CAMKMT: variants seen among roughly 807,000 people sequenced by gnomAD.
CAMKMT encodes the protein calmodulin-lysine N-methyltransferase, also known as CaM KMT.
CAMKMT carries 53 observed loss-of-function variants against 48.0 expected under a neutral mutation model. That is an observed-to-expected ratio of 1.10 (90% CI 0.89 to 1.39). The LOEUF is 1.39. CAMKMT is among the 40% of genes most tolerant of loss of function. The pLI, the probability that CAMKMT is intolerant of heterozygous loss-of-function variation, is 0.00. For synonymous variants in CAMKMT, 165 were observed against 152.3 expected (o/e 1.08, Z -0.61); for missense variants, 428 against 402.7 (o/e 1.06, Z -0.54).
intron 7 of CAMKMT, among the ~76,000 whole-genome samples, chr2:44,737,341 G>A (rs1459907084): frequency 6.6e-6 from 1 of 151,930 alleles, no homozygotes; most frequent in Non-Finnish European, 1.5e-5. Context: ...GTTTTTGAAC[G>A]CCTGACCTCA....
chr2:44,736,474 ATTATT>A (rs1347064727), intron 7 of CAMKMT, among the ~76,000 whole-genome samples: 1 of 151,928 alleles, frequency 6.6e-6, no homozygotes, highest in African/African-American at 2.4e-5. Flanking sequence ...AGGCAATTCG[ATTATT>A]ATTATGTGCC....
intron 3 of CAMKMT, among the ~76,000 whole-genome samples, chr2:44,611,047 TAGTCTC>T (rs754784076): frequency 4.6e-5 from 7 of 152,136 alleles, no homozygotes; most frequent in Non-Finnish European, 1.0e-4. Context: ...GGGAGGATAA[TAGTCTC>T]AAGATAGTAT....
At chr2:44,719,884 A>G (rs772200057) in intron 7 of CAMKMT, among the ~76,000 whole-genome samples, 1 of 152,140 alleles carries the variant, frequency 6.6e-6, no homozygotes, top group Non-Finnish European at 1.5e-5. Context: ...TCTTTAAGAA[A>G]TTTTCTGATA....
At chr2:44,614,123 G>A (rs7590333) in intron 3 of CAMKMT, among the ~76,000 whole-genome samples, 91,551 of 151,968 alleles carry the variant, frequency 0.6, 28,352 homozygotes, top group Admixed American at 0.69. Flanking sequence ...TTAGAAAAAA[G>A]ATCACACATA....
At chr2:44,632,973 T>A (rs892029407) in intron 3 of CAMKMT, among the ~76,000 whole-genome samples, 1 of 152,024 alleles carries the variant, frequency 6.6e-6, no homozygotes. Flanking sequence ...CTTAATAAAC[T>A]CCCCTTTCTA....
At chr2:44,529,278 A>C (rs1329310970) in intron 3 of CAMKMT, among the ~76,000 whole-genome samples, 1 of 152,192 alleles carries the variant, frequency 6.6e-6, no homozygotes, top group East Asian at 1.9e-4. Flanking sequence ...TATTCTACTG[A>C]TACTCAAACT....
At chr2:44,580,555 T>C (rs1669498366) in intron 3 of CAMKMT, among the ~76,000 whole-genome samples, 1 of 152,216 alleles carries the variant, frequency 6.6e-6, no homozygotes, top group Non-Finnish European at 1.5e-5. Context: ...TTTCACTAAA[T>C]TGTCACTTAT....
At chr2:44,751,031 G>C (rs1050186201) in intron 8 of CAMKMT, among the ~76,000 whole-genome samples, 2 of 151,972 alleles carry the variant, frequency 1.3e-5, no homozygotes, top group African/African-American at 4.8e-5. Flanking sequence ...AAGAAATGCA[G>C]ATGCTCTCTG....
chr2:44,377,226 C>G (rs1430447284), intron 2 of CAMKMT, among the ~76,000 whole-genome samples: 1 of 152,082 alleles, frequency 6.6e-6, no homozygotes. Context: ...AGGCTGGTCT[C>G]AAACTGCTGG....
intron 3 of CAMKMT, among the ~76,000 whole-genome samples, chr2:44,691,868 TCCACCTGC>T (rs1018219570): frequency 3.4e-4 from 52 of 152,130 alleles, no homozygotes; most frequent in African/African-American, 1.2e-3. Flanking sequence ...AGGGCAGGCC[TCCACCTGC>T]CCACCTGCCC....
intron 8 of CAMKMT, among the ~76,000 whole-genome samples, chr2:44,750,214 G>A (rs1423397699): frequency 1.3e-5 from 2 of 151,234 alleles, no homozygotes; most frequent in East Asian, 1.9e-4. Context: ...GCAATGTCAC[G>A]ATCTCAGCCC....
At chr2:44,415,768 A>G (rs1279920170) in intron 3 of CAMKMT, among the ~76,000 whole-genome samples, 1 of 152,214 alleles carries the variant, frequency 6.6e-6, no homozygotes, top group African/African-American at 2.4e-5. Context: ...CCTGGGTGGG[A>G]AGTGTGCTAG....
At chr2:44,561,487 C>G (rs1278427915) in intron 3 of CAMKMT, among the ~76,000 whole-genome samples, 1 of 152,186 alleles carries the variant, frequency 6.6e-6, no homozygotes, top group Non-Finnish European at 1.5e-5. Flanking sequence ...ATGTGACTTT[C>G]TTTTCCTCGT....
At position 44,764,435 on chromosome 2, in the gene CAMKMT, C is replaced by T. The variant is rs138200888; in HGVS notation, c.763-1995C>T. Among the ~76,000 whole-genome samples the T allele has an allele frequency of 7.9e-5, 12 of 152,088 alleles. No individual in the cohort carries two copies. The East Asian group carries it at 1.9e-3, about 24-fold the overall frequency. ...TCTGTATTTGATCCTCACAATTTGTCGGGGGGAAAAAGGCAGGGCAGGCTT... is the reference window on the plus strand; with the variant it reads ...TCTGTATTTGATCCTCACAATTTGTTGGGGGGAAAAAGGCAGGGCAGGCTT... On this transcript the variant is annotated intron_variant, in intron 9 of 10. Coordinates refer to ENST00000378494, the MANE Select transcript of CAMKMT (RefSeq NM_024766.5).
At chr2:44,522,314 A>G (rs1671160476) in intron 3 of CAMKMT, among the ~76,000 whole-genome samples, 1 of 151,662 alleles carries the variant, frequency 6.6e-6, no homozygotes. Flanking sequence ...CCCTCTTTTC[A>G]TTTCATATTC....
chr2:44,363,929 G>A (rs565600223), intron 1 of CAMKMT, among the ~76,000 whole-genome samples: 1 of 150,944 alleles, frequency 6.6e-6, no homozygotes, highest in African/African-American at 2.4e-5. Flanking sequence ...GACCTCAGGT[G>A]ATTCACTTGC....
chr2:44,542,113 G>A (rs1667143963), intron 3 of CAMKMT, among the ~76,000 whole-genome samples: 1 of 144,874 alleles, frequency 6.9e-6, no homozygotes, highest in Non-Finnish European at 1.5e-5. Context: ...TGGGCAACAA[G>A]AGTGAAACTC....
chr2:44,392,985 A>G (rs1681492643), intron 3 of CAMKMT, among the ~76,000 whole-genome samples: 1 of 152,150 alleles, frequency 6.6e-6, no homozygotes, highest in Non-Finnish European at 1.5e-5. Flanking sequence ...AATAGAAAAA[A>G]CAGCTTAACT....
chr2:44,524,343 A>T (rs537043243), intron 3 of CAMKMT, among the ~76,000 whole-genome samples: 2 of 152,326 alleles, frequency 1.3e-5, no homozygotes, highest in African/African-American at 4.8e-5. Flanking sequence ...TCCCATAACC[A>T]GGAGTTGCTT....
Sources: gnomAD v4.1 joint callset for allele counts (sites outside exome capture counted in the v4.1 genomes callset) on GRCh38, gnomAD v4.1.1 for gene constraint, MANE v1.5 for transcripts, NCBI Gene and HGNC (gene_info 2026-07-23, HGNC 2026-07-21) for gene names.